CNTNAP5: variants seen among roughly 807,000 people sequenced by gnomAD.
CNTNAP5 encodes contactin associated protein family member 5.
Under a neutral mutation model 150.2 loss-of-function variants are expected in CNTNAP5, and 72 were observed. The ratio of observed to expected loss-of-function variants is 0.48; its 90% CI spans 0.40 to 0.58. The LOEUF is 0.58. Ranked by LOEUF, CNTNAP5 falls within the 20% of genes least tolerant of loss-of-function variation. The pLI, the probability that CNTNAP5 is intolerant of heterozygous loss-of-function variation, is 0.00. For synonymous variants in CNTNAP5, 672 were observed against 619.8 expected (o/e 1.08, Z -1.25); for missense variants, 1,636 against 1,626.2 (o/e 1.01, Z -0.10).
At chr2:124,674,419 C>T (rs1345915665) in intron 13 of CNTNAP5, among the ~76,000 whole-genome samples, 1 of 140,060 alleles carries the variant, frequency 7.1e-6, no homozygotes, top group Non-Finnish European at 1.6e-5. Context: ...TTCCCTCCCT[C>T]CCTCCTCCTC....
intron 12 of CNTNAP5, 104 bp from the exon 13 acceptor site, chr2:124,647,654 T>G (rs1044821921): frequency 7.1e-6 from 7 of 982,570 alleles, no homozygotes; most frequent in African/African-American, 1.6e-5. Flanking sequence ...GGTACCGGAG[T>G]GTTGATTAAT....
chr2:124,302,883 A>C (rs1412382261), intron 3 of CNTNAP5, among the ~76,000 whole-genome samples: 1 of 152,190 alleles, frequency 6.6e-6, no homozygotes, highest in African/African-American at 2.4e-5. Flanking sequence ...TGGTGAAATG[A>C]ATCTTGTCAC....
At chr2:124,721,463 C>T (rs1002410040) in intron 13 of CNTNAP5, among the ~76,000 whole-genome samples, 3 of 148,284 alleles carry the variant, frequency 2.0e-5, no homozygotes, top group Non-Finnish European at 4.4e-5. Flanking sequence ...GCCTGGGTGA[C>T]AGAGTGAGAC....
intron 12 of CNTNAP5, among the ~76,000 whole-genome samples, chr2:124,623,810 C>T (rs537359710): frequency 3.9e-5 from 6 of 152,308 alleles, no homozygotes; most frequent in African/African-American, 9.6e-5. Context: ...GAGACTCACT[C>T]ATGGGTGACA....
chr2:124,683,758 A>G (rs948909978), intron 13 of CNTNAP5, among the ~76,000 whole-genome samples: 1 of 152,172 alleles, frequency 6.6e-6, no homozygotes, highest in Non-Finnish European at 1.5e-5. Flanking sequence ...ACGCTAAGTT[A>G]TATATGTGCT....
intron 4 of CNTNAP5, among the ~76,000 whole-genome samples, chr2:124,429,295 A>G (rs1450846133): frequency 3.3e-5 from 5 of 152,144 alleles, no homozygotes; most frequent in Non-Finnish European, 1.5e-5. Flanking sequence ...TTTTAAAAGA[A>G]AAGCTATGTT....
intron 12 of CNTNAP5, among the ~76,000 whole-genome samples, chr2:124,638,041 C>T (rs1199724004): frequency 1.3e-5 from 2 of 151,626 alleles, no homozygotes; most frequent in Admixed American, 1.3e-4. Flanking sequence ...TTTCAGTGGG[C>T]AGAACTAAAA....
At chr2:124,726,554 T>C (rs896632613) in intron 13 of CNTNAP5, among the ~76,000 whole-genome samples, 2 of 152,136 alleles carry the variant, frequency 1.3e-5, no homozygotes, top group East Asian at 3.8e-4. Flanking sequence ...TCAAGTAGTT[T>C]TCTTATAGCA....
intron 4 of CNTNAP5, among the ~76,000 whole-genome samples, chr2:124,428,626 A>T (rs2104789065): frequency 6.6e-6 from 1 of 151,992 alleles, no homozygotes; most frequent in South Asian, 2.1e-4. Flanking sequence ...GGAAAAGAAA[A>T]CTTCTTATTT....
At chr2:124,658,168 G>T (rs143099545) in intron 13 of CNTNAP5, among the ~76,000 whole-genome samples, 4 of 152,270 alleles carry the variant, frequency 2.6e-5, no homozygotes, top group African/African-American at 2.4e-5. Context: ...GACAACACAC[G>T]TGCACTTGGC....
chr2:124,129,657 A>G (rs1683799476), intron 1 of CNTNAP5, among the ~76,000 whole-genome samples: 1 of 152,156 alleles, frequency 6.6e-6, no homozygotes, highest in African/African-American at 2.4e-5. Flanking sequence ...TAGTGCACAA[A>G]TTTTGGCAAA....
chr2:124,163,660 T>C (rs1158831143), intron 1 of CNTNAP5, among the ~76,000 whole-genome samples: 1 of 152,100 alleles, frequency 6.6e-6, no homozygotes, highest in Non-Finnish European at 1.5e-5. Context: ...CTCCCTTAAA[T>C]CTGCACTACA....
chr2:124,385,992 C>T (rs573970746), intron 3 of CNTNAP5, among the ~76,000 whole-genome samples: 10 of 151,938 alleles, frequency 6.6e-5, no homozygotes, highest in African/African-American at 1.9e-4. Flanking sequence ...TAGACAACAT[C>T]GATGTTTGTT....
At chr2:124,360,996 C>A (rs1200392651) in intron 3 of CNTNAP5, among the ~76,000 whole-genome samples, 1 of 129,744 alleles carries the variant, frequency 7.7e-6, no homozygotes, top group African/African-American at 3.0e-5. Flanking sequence ...TTCTTGGAGG[C>A]TTTGCTCATT....
intron 2 of CNTNAP5, among the ~76,000 whole-genome samples, chr2:124,231,670 C>T (rs192251076): frequency 2.6e-5 from 4 of 152,158 alleles, no homozygotes; most frequent in Admixed American, 2.6e-4. Context: ...GCCTAATATG[C>T]CTGAGGGAAA....
intron 3 of CNTNAP5, among the ~76,000 whole-genome samples, chr2:124,409,953 AGCTGTATTCAGTGT>A (rs1691701201): frequency 1.3e-5 from 2 of 150,692 alleles, no homozygotes; most frequent in Non-Finnish European, 3.0e-5. Context: ...AAGAGTCAAG[AGCTGTATTCAGTGT>A]GCTGTATTCA....
intron 13 of CNTNAP5, among the ~76,000 whole-genome samples, chr2:124,672,367 T>A (rs1678842475): frequency 2.0e-5 from 3 of 152,202 alleles, no homozygotes; most frequent in Non-Finnish European, 2.9e-5. Flanking sequence ...AAGACACAGG[T>A]TAGCTCATAA....
chr2:124,271,724 CTATT>C (rs944082662), intron 3 of CNTNAP5, among the ~76,000 whole-genome samples: 3 of 133,608 alleles, frequency 2.2e-5, no homozygotes, highest in African/African-American at 8.0e-5. Flanking sequence ...ATCTATCTAT[CTATT>C]TATTGAGACA....
intron 6 of CNTNAP5, among the ~76,000 whole-genome samples, chr2:124,462,461 A>G (rs140231388): frequency 1.3e-5 from 2 of 152,336 alleles, no homozygotes; most frequent in Admixed American, 6.5e-5. Flanking sequence ...ATTGTTTTAC[A>G]TATGATGAAG....
Sources: allele counts gnomAD v4.1 joint callset (sites outside exome capture counted in the v4.1 genomes callset), GRCh38; gene constraint gnomAD v4.1.1; transcripts MANE v1.5; gene names NCBI Gene and HGNC (gene_info 2026-07-23, HGNC 2026-07-21).